Variants in ATP5PF observed in about 807,000 individuals in gnomAD.
The protein encoded by ATP5PF is ATP synthase peripheral stalk subunit F6, mitochondrial.
A neutral mutation model predicts 12.0 loss-of-function variants in ATP5PF; 7 were observed. That is an observed-to-expected ratio of 0.58 (90% confidence interval 0.33 to 1.10). ATP5PF has a LOEUF of 1.10. Ranked by LOEUF, ATP5PF falls within the 50% of genes least tolerant of loss-of-function variation. ATP5PF has a pLI of 0.03. For synonymous variants in ATP5PF, 41 were observed against 45.4 expected (o/e 0.90, Z 0.39); for missense variants, 120 against 127.7 (o/e 0.94, Z 0.29).
chr21:25,735,552 G>A (rs1601099374), upstream of ATP5PF: 1 of 153,044 alleles, frequency 6.5e-6, no homozygotes, highest in Non-Finnish European at 1.5e-5. Flanking sequence ...AGTGCGGGCG[G>A]GGGCGACAGG....
In ATP5PF at chr21:25,732,634, A is replaced by C. The variant is rs192665516; in HGVS notation, c.-8+2219T>G. Among the ~76,000 whole-genome samples the C allele has an allele frequency of 4.1e-3, 618 of 151,310 alleles. 12 individuals carry two copies. The highest frequency in any genetic ancestry group is 0.033 in the Admixed American group (499 of 15,252). ...GCATTCCAGCCTGTGTTACAGAGTG[A>C]AACCCTGTCTCAAAAAAAAAAAAAA... On this transcript the variant is annotated intron_variant, in intron 1 of 3. Transcript: ENST00000284971.
chr21:25,734,985 T>G, upstream of ATP5PF: 1 of 1,557,938 alleles, frequency 6.4e-7, no homozygotes, highest in Non-Finnish European at 8.7e-7. Flanking sequence ...CGGTCGACGC[T>G]CACCGGACAG....
intron 3 of ATP5PF, 21 bp from the exon 4 acceptor site, chr21:25,724,698 G>A: frequency 1.3e-6 from 2 of 1,591,690 alleles, no homozygotes; most frequent in Non-Finnish European, 1.7e-6. Context: ...GGGGAAAAAA[G>A]GGTCAAGCTT....
At chr21:25,734,530 G>T in intron 1 of ATP5PF, 1 of 533,036 alleles carries the variant, frequency 1.9e-6, no homozygotes, top group Non-Finnish European at 2.6e-6. Flanking sequence ...GGGCGGGTAG[G>T]CCTGGCCGAA....
Position 25,729,758 on chromosome 21 carries a change from T to C in ATP5PF, c.37A>G (p.Ile13Val), listed in dbSNP as rs759900968. 11 of 1,613,930 alleles carry C rather than the reference T, an allele frequency of 6.8e-6. No individual in the cohort carries two copies. Among genetic ancestry groups the C allele is most frequent in the Non-Finnish European group, 8.5e-6 (10 of 1,179,998 alleles). The stretch of plus-strand genomic sequence containing the variant: ...AAATGGACTGAGACGGCTGACCGAA[T>C]GACAGAGGAGAACCTGAAGAGCCTC... ...LQRLFRFSSVIRSAVSVHLRR... is the reference protein window; with the variant it reads ...LQRLFRFSSVVRSAVSVHLRR... The change falls in exon 2 of 4, where the codon ATT becomes GTT. Residue 13 changes from isoleucine to valine, a missense_variant. Transcript: ENST00000284971.
upstream of ATP5PF, chr21:25,735,280 A>C: frequency 2.4e-6 from 1 of 420,330 alleles, no homozygotes; most frequent in South Asian, 3.2e-5. Context: ...GACTGTGTAA[A>C]ACAAAGCGGA....
chr21:25,725,105 C>T (rs191786193), intron 3 of ATP5PF, 121 bp downstream of exon 3: 25 of 1,342,104 alleles, frequency 1.9e-5, no homozygotes, highest in South Asian at 8.7e-5. Flanking sequence ...CTCAGGCACA[C>T]GTCATGGTCC....
At chr21:25,734,807 C>A (rs2034956434) in intron 1 of ATP5PF, 46 bp downstream of exon 1, 4 of 1,512,814 alleles carry the variant, frequency 2.6e-6, no homozygotes, top group Admixed American at 2.0e-5. Flanking sequence ...AAACCCAGAA[C>A]TGGAGTCCCA....
upstream of ATP5PF, chr21:25,734,980 GA>G (rs773241564): frequency 3.7e-5 from 57 of 1,560,006 alleles, no homozygotes; most frequent in Non-Finnish European, 4.9e-5. Context: ...TCAGTCGGTC[GA>G]CGCTCACCGG....
At chr21:25,734,703 A>G (rs1410644817) in intron 1 of ATP5PF, 150 bp downstream of exon 1, 7 of 748,932 alleles carry the variant, frequency 9.3e-6, no homozygotes, top group Non-Finnish European at 1.5e-5. Flanking sequence ...CGTAGAGGTC[A>G]GCTGTGACCC....
intron 1 of ATP5PF, 43 bp downstream of exon 1, chr21:25,734,810 G>C: frequency 3.3e-6 from 5 of 1,514,654 alleles, no homozygotes; most frequent in Non-Finnish European, 4.4e-6. Context: ...CCCAGAACTG[G>C]AGTCCCAAAA....
upstream of ATP5PF, chr21:25,735,201 A>G: frequency 1.7e-6 from 1 of 594,528 alleles, no homozygotes. Flanking sequence ...CCCCTAGTTC[A>G]AGCTCCCCTC....
chr21:25,733,286 T>G (rs1318798354), intron 1 of ATP5PF, among the ~76,000 whole-genome samples: 1 of 151,986 alleles, frequency 6.6e-6, no homozygotes, highest in African/African-American at 2.4e-5. Flanking sequence ...TCCCAGCACT[T>G]TGGGAGGCCG....
At chr21:25,726,666 G>A (rs2034627077) in intron 2 of ATP5PF, among the ~76,000 whole-genome samples, 2 of 152,188 alleles carry the variant, frequency 1.3e-5, no homozygotes, top group South Asian at 4.1e-4. Flanking sequence ...TTAGACTTGT[G>A]CATTTTGGGA....
upstream of ATP5PF, chr21:25,735,189 T>C: frequency 1.7e-6 from 1 of 599,474 alleles, no homozygotes; most frequent in Non-Finnish European, 3.0e-6. Flanking sequence ...TGAGTGGCCT[T>C]TCCCCTAGTT....
rs193169633 is a variant in ATP5PF, at chr21:25,726,521, T to C, written c.165-1171A>G. ...GATGGAAAAAGCAAAGACATAGAGG[T>C]GGTAAGGGATTGGCTGTATGTGGGG... On this transcript the variant is annotated intron_variant, in intron 2 of 3. Transcript: ENST00000284971. 9.2e-5 allele frequency among the ~76,000 whole-genome samples: 14 copies of C among 151,834 alleles called. No homozygotes were observed. The East Asian group carries it at 2.7e-3, about 29-fold the overall frequency.
At chr21:25,733,026 C>A in intron 1 of ATP5PF, among the ~76,000 whole-genome samples, 1 of 134,178 alleles carries the variant, frequency 7.5e-6, no homozygotes. Context: ...ATCCTACTAT[C>A]AATGCAATCA....
intron 1 of ATP5PF, chr21:25,734,589 C>G (rs958549520): frequency 2.4e-6 from 1 of 414,692 alleles, no homozygotes; most frequent in Non-Finnish European, 3.9e-6. Context: ...AGGCTGCGGG[C>G]CCGAGACCCC....
chr21:25,730,283 A>T (rs1337214748), intron 1 of ATP5PF, among the ~76,000 whole-genome samples: 1 of 152,236 alleles, frequency 6.6e-6, no homozygotes, highest in African/African-American at 2.4e-5. Context: ...CCAGCCATTT[A>T]AGAATACTGT....
Sources: gnomAD v4.1 joint callset for allele counts (sites outside exome capture counted in the v4.1 genomes callset) on GRCh38, gnomAD v4.1.1 for gene constraint, MANE v1.5 for transcripts, NCBI Gene and HGNC (gene_info 2026-07-23, HGNC 2026-07-21) for gene names.